JADE2: variants seen among roughly 807,000 people sequenced by gnomAD.
The protein encoded by JADE2 is jade family PHD finger 2, also known as E3 ubiquitin-protein ligase Jade-2.
In JADE2, 13 loss-of-function variants were observed where a neutral mutation model predicts 85.7. The observed-to-expected ratio is 0.15, with a 90% CI of 0.10 to 0.24. The LOEUF (loss-of-function observed/expected upper bound fraction) is 0.24. Ranked by LOEUF, JADE2 falls within the 10% of genes least tolerant of loss-of-function variation. JADE2 has a pLI of 1.00. For missense variants in JADE2, 846 were observed against 1,115.9 expected, an observed-to-expected ratio of 0.76 and a Z score of 3.45; for synonymous variants, 440 against 456.1, an observed-to-expected ratio of 0.96 and a Z score of 0.45.
In JADE2 at chr5:134,562,410, G is replaced by A. The variant is rs1246376492; in HGVS notation, c.852+43G>A. 1 of 1,562,436 alleles carries A rather than the reference G, an allele frequency of 6.4e-7. No individual in the cohort carries two copies. Among genetic ancestry groups the A allele is most frequent in the Non-Finnish European group, 8.7e-7 (1 of 1,145,108 alleles). The stretch of plus-strand genomic sequence containing the variant: ...TGAGGCAGCCCAAGGAATAGCCCGT[G>A]GGGAAGTGGGTCTGCATGGGACTCA... On this transcript the variant is annotated intron_variant, in intron 7 of 11. Coordinates refer to ENST00000681547, the MANE Select transcript of JADE2 (RefSeq NM_001388185.1). This position sits in a 1 kb window ranked among gnomAD's most constrained non-coding sequence, Gnocchi z 4.6.
intron 2 of JADE2, 111 bp downstream of exon 2, chr5:134,536,026 T>C: frequency 1.1e-6 from 1 of 907,164 alleles, no homozygotes; most frequent in Non-Finnish European, 1.8e-6. Flanking sequence ...CTAAGAGGCA[T>C]GTTGATGAAA....
intron 10 of JADE2, chr5:134,574,564 C>A (rs576344632): frequency 6.6e-6 from 1 of 152,528 alleles, no homozygotes; most frequent in East Asian, 1.9e-4. Context: ...GCTGCTGAGC[C>A]ACCGTTGGAG....
intron 5 of JADE2, 51 bp from the exon 6 acceptor site, chr5:134,560,695 C>G: frequency 6.6e-7 from 1 of 1,524,164 alleles, no homozygotes; most frequent in Non-Finnish European, 9.0e-7. Flanking sequence ...CTTCAAAGCT[C>G]AAAGGAGGCT....
chr5:134,529,412 G>T (rs1217330230), intron 1 of JADE2, among the ~76,000 whole-genome samples: 1 of 152,174 alleles, frequency 6.6e-6, no homozygotes, highest in Non-Finnish European at 1.5e-5. Context: ...ACTGGAGATG[G>T]GGTACACCTT....
Position 134,562,080 on chromosome 5 carries a change from G to T in JADE2, c.685-120G>T. ...AACTCCTCAGAAGTTGTACGTGCCA[G>T]AGATGGGAGGCTGTGTAGCAGTGTA... On this transcript the variant is annotated intron_variant, in intron 6 of 11. Coordinates refer to ENST00000681547, the MANE Select transcript of JADE2 (RefSeq NM_001388185.1). This position sits in a 1 kb window ranked among gnomAD's most constrained non-coding sequence, Gnocchi z 4.6. The T allele has an allele frequency of 1.0e-6, 1 of 993,352 alleles. No individual in the cohort carries two copies. Among genetic ancestry groups the T allele is most frequent in the East Asian group, 2.5e-5 (1 of 40,354 alleles). The allele number at this position is 993,352 out of a possible 1,614,324, so 61.5% of individuals were successfully genotyped here.
Position 134,562,185 on chromosome 5 carries a change from C to T in JADE2, c.685-15C>T, listed in dbSNP as rs753525400. The T allele has an allele frequency of 1.3e-6, 2 of 1,596,270 alleles. No individual in the cohort carries two copies. The highest frequency in any genetic ancestry group is 1.3e-5 in the African/African-American group (1 of 74,622). The stretch of plus-strand genomic sequence containing the variant: ...GCCAGTTCCGCTGACTCATGACCAC[C>T]CTGCTCTCTCCTAGGCATGCTACGG... On this transcript the variant is annotated splice_polypyrimidine_tract_variant and intron_variant, in intron 6 of 11. Transcript: ENST00000681547. This position sits in a 1 kb window ranked among gnomAD's most constrained non-coding sequence, Gnocchi z 4.6.
chr5:134,548,886 T>C (rs936889532), intron 3 of JADE2, among the ~76,000 whole-genome samples: 2 of 152,154 alleles, frequency 1.3e-5, no homozygotes, highest in African/African-American at 2.4e-5. Flanking sequence ...GTCCATGTGT[T>C]TGGGGATTTT....
chr5:134,531,477 G>A (rs1441288177), intron 1 of JADE2, among the ~76,000 whole-genome samples: 1 of 152,036 alleles, frequency 6.6e-6, no homozygotes, highest in Non-Finnish European at 1.5e-5. Flanking sequence ...GGGTCTTGCT[G>A]TGTTGCCCGG....
chr5:134,536,639 C>T (rs1006537967), intron 2 of JADE2: 4 of 152,240 alleles, frequency 2.6e-5, no homozygotes, highest in South Asian at 2.1e-4. Context: ...CAGCTCTTCT[C>T]GGGTGCCCAG....
At chr5:134,553,576 G>C (rs10477763) in intron 4 of JADE2, among the ~76,000 whole-genome samples, 3 of 152,188 alleles carry the variant, frequency 2.0e-5, no homozygotes, top group Admixed American at 2.0e-4. Context: ...CTGGTCTCGA[G>C]CTCCTGACCT....
chr5:134,542,780 T>G (rs1293998312), intron 3 of JADE2, among the ~76,000 whole-genome samples: 1 of 151,922 alleles, frequency 6.6e-6, no homozygotes, highest in African/African-American at 2.4e-5. Context: ...TTCCCCAGGC[T>G]GGAGTGCAGT....
At chr5:134,530,407 C>T (rs557438271) in intron 1 of JADE2, among the ~76,000 whole-genome samples, 21 of 152,212 alleles carry the variant, frequency 1.4e-4, no homozygotes, top group African/African-American at 4.8e-4. Context: ...AAGAAGAGGA[C>T]GAAATCCTGC....
chr5:134,576,588 G>A (rs1190653442), intron 10 of JADE2, among the ~76,000 whole-genome samples, 180 bp from the exon 11 acceptor site: 2 of 152,194 alleles, frequency 1.3e-5, no homozygotes, highest in Non-Finnish European at 2.9e-5. Context: ...TCCCCCACAG[G>A]CCACAGTGGA....
intron 9 of JADE2, among the ~76,000 whole-genome samples, chr5:134,573,186 G>A (rs1764146795): frequency 6.6e-6 from 1 of 152,238 alleles, no homozygotes; most frequent in African/African-American, 2.4e-5. Flanking sequence ...TTCTTTGCTG[G>A]GAAAGAAAGG....
At chr5:134,564,206 TCAA>T in intron 7 of JADE2, 1 of 271,502 alleles carries the variant, frequency 3.7e-6, no homozygotes, top group Non-Finnish European at 7.1e-6. Context: ...ATACACACAG[TCAA>T]CTACACACAC....
chr5:134,566,400 C>A lies in JADE2; in HGVS notation c.1254C>A (p.Asp418Glu). The change falls in exon 9 of 12, where the codon GAC becomes GAA. Residue 418 changes from aspartate (D) to glutamate (E), a missense_variant. This residue lies in a region of JADE2 where 88 missense variants were observed against 140.6 expected (regional missense o/e 0.63). Coordinates refer to ENST00000681547, the MANE Select transcript of JADE2 (RefSeq NM_001388185.1). This position sits in a 1 kb window ranked among gnomAD's most constrained non-coding sequence, Gnocchi z 6.7. ...CGGCTGAGGTGGCTGAGCGGCTGGA[C>A]CTGGCTGAGGCACTGGTCGACTTCA... ...VEPAEVAERL[D>E]LAEALVDFIY... 1 of 1,614,000 alleles carries A rather than the reference C, an allele frequency of 6.2e-7. No homozygotes were observed. The highest frequency in any genetic ancestry group is 8.5e-7 in the Non-Finnish European group (1 of 1,179,998).
chr5:134,527,624 G>GC (rs1463726417), intron 1 of JADE2, among the ~76,000 whole-genome samples: 4 of 151,878 alleles, frequency 2.6e-5, no homozygotes, highest in East Asian at 2.0e-4. Context: ...CTGGGCCGGA[G>GC]CCCCCCGCAG....
rs745689685 is a variant in JADE2 at position 134,533,429 on chromosome 5, A to C, written c.1-2429A>C. On this transcript the variant is annotated intron_variant, in intron 1 of 11. Coordinates refer to ENST00000681547, the MANE Select transcript of JADE2 (RefSeq NM_001388185.1). ...TTCCAGTTTATCTCCTCTGGGAGGT[A>C]TGTCTTTCCCAAGGTCCCTGGTCTA... The C allele has an allele frequency of 3.9e-4, 198 of 508,278 alleles. 1 individual carries two copies. The highest frequency in any genetic ancestry group is 2.0e-3 in the Middle Eastern group (2 of 998). The allele number at this position is 508,278 out of a possible 1,614,324, so 31.5% of individuals were successfully genotyped here. A position where few individuals can be genotyped will look rare whatever the true frequency, so the allele number is the denominator to read the frequency against.
rs1198368158 is a variant in JADE2 at position 134,579,581 on chromosome 5, G to C, written c.*264G>C. 1 of 449,860 alleles carries C rather than the reference G, an allele frequency of 2.2e-6. No individual in the cohort carries two copies. The highest frequency in any genetic ancestry group is 4.4e-5 in the South Asian group (1 of 22,868). The allele number at this position is 449,860 out of a possible 1,614,324, so 27.9% of individuals were successfully genotyped here. A position where few individuals can be genotyped will look rare whatever the true frequency, so the allele number is the denominator to read the frequency against. ...CGCGCACCATCCCTGCCCTGCCCAC[G>C]TGGTATTGCTGGGCTCCTGGCTAGA... On this transcript the variant is annotated 3_prime_UTR_variant, in exon 12 of 12. Transcript: ENST00000681547. This position sits in a 1 kb window ranked among gnomAD's most constrained non-coding sequence, Gnocchi z 4.6.
Sources: gnomAD v4.1 joint callset for allele counts (sites outside exome capture counted in the v4.1 genomes callset) on GRCh38, gnomAD v4.1.1 for gene constraint, gnomAD v4.1.1 regional missense constraint, Gnocchi (gnomAD v3.1) non-coding constraint, MANE v1.5 for transcripts, NCBI Gene and HGNC (gene_info 2026-07-23, HGNC 2026-07-21) for gene names.